CCDC148: variants seen among roughly 807,000 people sequenced by gnomAD.
The protein encoded by CCDC148 is coiled-coil domain containing 148.
In CCDC148, 89 loss-of-function variants were observed where a neutral mutation model predicts 85.7. The observed-to-expected ratio is 1.04, with a 90% CI of 0.87 to 1.24. The LOEUF (loss-of-function observed/expected upper bound fraction) is 1.24, where lower values mean the gene tolerates loss of function less well. Among genes scored for constraint, CCDC148 ranks in the 50% most tolerant of loss-of-function variants. CCDC148 has a pLI of 0.00. For synonymous variants in CCDC148, 230 were observed against 213.9 expected, an observed-to-expected ratio of 1.08 and a Z score of -0.66; for missense variants, 692 against 671.7, an observed-to-expected ratio of 1.03 and a Z score of -0.33.
At chr2:158,437,200 C>G (rs894866975) in intron 1 of CCDC148, among the ~76,000 whole-genome samples, 1 of 152,142 alleles carries the variant, frequency 6.6e-6, no homozygotes, top group Non-Finnish European at 1.5e-5. Flanking sequence ...ACCAATATCC[C>G]TGATGAACAT....
At chr2:158,336,107 A>T (rs768804246) in intron 7 of CCDC148, among the ~76,000 whole-genome samples, 3 of 152,266 alleles carry the variant, frequency 2.0e-5, no homozygotes, top group Non-Finnish European at 2.9e-5. Context: ...AACACAATCT[A>T]TGTGAGCCCA....
At chr2:158,446,074 G>A (rs1573834921) in intron 1 of CCDC148, among the ~76,000 whole-genome samples, 1 of 152,310 alleles carries the variant, frequency 6.6e-6, no homozygotes, top group East Asian at 1.9e-4. Context: ...AGGGCCGGGG[G>A]CTATGGCTTA....
chr2:158,286,358 G>A (rs947865028), intron 9 of CCDC148, among the ~76,000 whole-genome samples: 1 of 152,042 alleles, frequency 6.6e-6, no homozygotes, highest in Non-Finnish European at 1.5e-5. Flanking sequence ...CTTTATAAGA[G>A]AAATTAAAAT....
intron 11 of CCDC148, among the ~76,000 whole-genome samples, chr2:158,187,847 C>T (rs942915240): frequency 1.5e-4 from 23 of 151,984 alleles, no homozygotes; most frequent in African/African-American, 4.6e-4. Flanking sequence ...CCTCAAAGTC[C>T]CAGATCCTTT....
chr2:158,219,457 G>T (rs1687058365), intron 11 of CCDC148, among the ~76,000 whole-genome samples: 1 of 152,148 alleles, frequency 6.6e-6, no homozygotes, highest in Non-Finnish European at 1.5e-5. Flanking sequence ...AGAAAAGGCT[G>T]CTTGAAGGAC....
chr2:158,379,430 G>A (rs1285760709), intron 1 of CCDC148, among the ~76,000 whole-genome samples: 1 of 152,126 alleles, frequency 6.6e-6, no homozygotes. Context: ...AATAATAAAG[G>A]ATTTCGAATA....
chr2:158,291,639 G>A (rs187797261), intron 9 of CCDC148, among the ~76,000 whole-genome samples: 161 of 152,072 alleles, frequency 1.1e-3, no homozygotes, highest in African/African-American at 3.5e-3. Context: ...CTGTGCTCCC[G>A]TAATTCTTAT....
chr2:158,334,915 G>T (rs1220999811), intron 7 of CCDC148, among the ~76,000 whole-genome samples: 1 of 152,000 alleles, frequency 6.6e-6, no homozygotes, highest in Non-Finnish European at 1.5e-5. Flanking sequence ...TAATAAATTG[G>T]AATATTTAAT....
chr2:158,250,949 G>C, intron 9 of CCDC148, 37 bp from the exon 10 acceptor site: 1 of 1,560,668 alleles, frequency 6.4e-7, no homozygotes, highest in Non-Finnish European at 8.6e-7. Context: ...CAGTAACTAT[G>C]CACACTGAAG....
At chr2:158,189,226 G>C (rs1454314158) in intron 11 of CCDC148, among the ~76,000 whole-genome samples, 1 of 151,852 alleles carries the variant, frequency 6.6e-6, no homozygotes, top group African/African-American at 2.4e-5. Context: ...TTGAGTCACT[G>C]AGGCAAGACT....
intron 2 of CCDC148, among the ~76,000 whole-genome samples, chr2:158,356,500 T>A (rs1391969455): frequency 2.7e-4 from 41 of 152,132 alleles, no homozygotes; most frequent in Middle Eastern, 3.4e-3. Flanking sequence ...TCACTGGCCA[T>A]CAGAGAAATG....
chr2:158,241,557 C>A (rs1688351100), intron 10 of CCDC148, among the ~76,000 whole-genome samples: 1 of 152,042 alleles, frequency 6.6e-6, no homozygotes, highest in African/African-American at 2.4e-5. Flanking sequence ...ATACATGTCA[C>A]AATAAAGGCA....
chr2:158,280,945 A>T (rs1409337766), intron 9 of CCDC148, among the ~76,000 whole-genome samples: 1 of 152,226 alleles, frequency 6.6e-6, no homozygotes, highest in Admixed American at 6.5e-5. Context: ...CCACAGTGCA[A>T]TCAAACTAGA....
intron 9 of CCDC148, among the ~76,000 whole-genome samples, chr2:158,295,035 G>C (rs1691111081): frequency 1.3e-5 from 2 of 151,910 alleles, no homozygotes; most frequent in African/African-American, 4.8e-5. Context: ...ATCTTTTCTT[G>C]TTTTATTTGC....
At chr2:158,447,636 A>C (rs1374357099) in intron 1 of CCDC148, among the ~76,000 whole-genome samples, 1 of 152,136 alleles carries the variant, frequency 6.6e-6, no homozygotes, top group Non-Finnish European at 1.5e-5. Context: ...TTGTGGTTGT[A>C]ATTTGCATTT....
At chr2:158,265,924 T>G (rs1002236999) in intron 9 of CCDC148, among the ~76,000 whole-genome samples, 1 of 152,104 alleles carries the variant, frequency 6.6e-6, no homozygotes, top group Admixed American at 6.6e-5. Flanking sequence ...ACCCTTCACA[T>G]CCTGTCACCA....
intron 9 of CCDC148, among the ~76,000 whole-genome samples, chr2:158,272,879 G>A (rs961662304): frequency 9.9e-5 from 15 of 152,104 alleles, no homozygotes; most frequent in African/African-American, 3.4e-4. Flanking sequence ...TGAGGTGATG[G>A]ATATATTAAT....
At chr2:158,382,386 T>C (rs577368823) in intron 1 of CCDC148, among the ~76,000 whole-genome samples, 1 of 152,262 alleles carries the variant, frequency 6.6e-6, no homozygotes, top group African/African-American at 2.4e-5. Flanking sequence ...AGTATTGAAA[T>C]ATTCATTAAT....
At position 158,176,632 on chromosome 2, in the gene CCDC148, A is replaced by G; in HGVS notation, c.1518T>C (p.Val506=). The G allele has an allele frequency of 6.2e-7, 1 of 1,612,158 alleles. No individual in the cohort carries two copies. The highest frequency in any genetic ancestry group is 1.1e-5 in the South Asian group (1 of 90,990). ...QVAVVAQFDP[V]RMMSDTMASK... is the part of the protein sequence containing the mutation. ...ATGCCATTGTATCTGACATCATTCT[A>G]ACAGGATCAAATTGAGCAACAACAG... The change falls in exon 13 of 14, where the codon GTT becomes GTC. Residue 506 remains valine (V), a synonymous_variant. Coordinates refer to ENST00000283233, the MANE Select transcript of CCDC148 (RefSeq NM_138803.4).
Sources: allele counts gnomAD v4.1 joint callset (sites outside exome capture counted in the v4.1 genomes callset), GRCh38; gene constraint gnomAD v4.1.1; transcripts MANE v1.5; gene names NCBI Gene and HGNC (gene_info 2026-07-23, HGNC 2026-07-21).